Variants in ADGRA1 observed in about 807,000 individuals in gnomAD.
The protein encoded by ADGRA1 is G-protein coupled receptor 123.
In ADGRA1, 12 loss-of-function variants were observed where a neutral mutation model predicts 21.3. The ratio of observed to expected loss-of-function variants is 0.56; its 90% CI spans 0.36 to 0.91. The LOEUF (loss-of-function observed/expected upper bound fraction) is 0.91. Ranked by LOEUF, ADGRA1 falls within the 40% of genes least tolerant of loss-of-function variation. ADGRA1 has a pLI of 0.01. For missense variants in ADGRA1, 790 were observed against 805.6 expected (o/e 0.98, Z 0.23); for synonymous variants, 385 against 368.8 (o/e 1.04, Z -0.50).
chr10:133,092,907 G>A lies in ADGRA1; in HGVS notation c.3+3995G>A, dbSNP rs566457105. ...GAAGGGAGCCTGAACCTGGAAGAAGGAGAAGGAGGACTGGAAGCACCTGGG... is the reference window on the plus strand; with the variant it reads ...GAAGGGAGCCTGAACCTGGAAGAAGAAGAAGGAGGACTGGAAGCACCTGGG... On this transcript the variant is annotated intron_variant, in intron 2 of 6. Coordinates refer to ENST00000392607, the MANE Select transcript of ADGRA1 (RefSeq NM_001083909.3). 392 of 1,530,728 alleles carry A rather than the reference G, an allele frequency of 2.6e-4. 2 individuals carry two copies. The African/African-American group carries it at 5.0e-3, about 19-fold the overall frequency. The allele number at this position is 1,530,728 out of a possible 1,614,324, so 94.8% of individuals were successfully genotyped here. A position where few individuals can be genotyped will look rare whatever the true frequency, so the allele number is the denominator to read the frequency against.
At chr10:133,090,313 C>T (rs1401134735) in intron 2 of ADGRA1, among the ~76,000 whole-genome samples, 2 of 152,210 alleles carry the variant, frequency 1.3e-5, no homozygotes, top group South Asian at 2.1e-4. Context: ...CTGCTACCAC[C>T]TCCTCGGCCC....
chr10:133,116,149 C>T (rs906722402), intron 5 of ADGRA1, among the ~76,000 whole-genome samples: 2 of 152,196 alleles, frequency 1.3e-5, no homozygotes. Context: ...GCCCCTTGCC[C>T]CCCTACCCTG....
At chr10:133,122,689 T>C (rs931450617) in intron 5 of ADGRA1, among the ~76,000 whole-genome samples, 1 of 152,192 alleles carries the variant, frequency 6.6e-6, no homozygotes, top group Non-Finnish European at 1.5e-5. Flanking sequence ...GCCAGGAAAC[T>C]GTGGTCACGA....
In ADGRA1 at chr10:133,124,224, C is replaced by T. The variant is rs1441943608; in HGVS notation, c.402-3009C>T. ...ACCCTCCCCGGCTCTGCAACCTCCC[C>T]GGCCAAGCCACCCTCTTGGGCTCTG... On this transcript the variant is annotated intron_variant, in intron 5 of 6. Transcript: ENST00000392607. Among the ~76,000 whole-genome samples, 6 of 149,796 alleles carry T rather than the reference C, an allele frequency of 4.0e-5. No homozygotes were observed. The East Asian group carries it at 7.8e-4, about 20-fold the overall frequency.
At chr10:133,120,372 T>C (rs987082417) in intron 5 of ADGRA1, among the ~76,000 whole-genome samples, 2 of 152,102 alleles carry the variant, frequency 1.3e-5, no homozygotes, top group African/African-American at 4.8e-5. Flanking sequence ...GCCACTGCAC[T>C]CCAGCCTGGG....
At chr10:133,103,833 T>C (rs147803100) in intron 5 of ADGRA1, among the ~76,000 whole-genome samples, 24 of 152,332 alleles carry the variant, frequency 1.6e-4, no homozygotes, top group African/African-American at 5.3e-4. Context: ...CCAGACACAG[T>C]TGGCGAAAGC....
rs573262037 is a variant in ADGRA1 at position 133,088,040 on chromosome 10, C to A, written c.-301C>A. 3 of 985,136 alleles carry A rather than the reference C, an allele frequency of 3.0e-6. No homozygotes were observed. The South Asian group carries it at 1.4e-4, about 46-fold the overall frequency. The allele number at this position is 985,136 out of a possible 1,614,324, so 61.0% of individuals were successfully genotyped here. A position where few individuals can be genotyped will look rare whatever the true frequency, so the allele number is the denominator to read the frequency against. ...AACTCGGTCCCAGCTCGGCCGCTGCCCTCGCGAATGGAGAGCGGGTCCCCG... is the reference window on the plus strand; with the variant it reads ...AACTCGGTCCCAGCTCGGCCGCTGCACTCGCGAATGGAGAGCGGGTCCCCG... On this transcript the variant is annotated 5_prime_UTR_variant, in exon 1 of 7. Coordinates refer to ENST00000392607, the MANE Select transcript of ADGRA1 (RefSeq NM_001083909.3).
chr10:133,095,267 C>T (rs1851666893), intron 2 of ADGRA1, among the ~76,000 whole-genome samples: 1 of 152,172 alleles, frequency 6.6e-6, no homozygotes, highest in South Asian at 2.1e-4. Context: ...ACCCAGCTCA[C>T]CTCTTTACAG....
chr10:133,125,207 C>T (rs1852355711), intron 5 of ADGRA1, among the ~76,000 whole-genome samples: 3 of 152,352 alleles, frequency 2.0e-5, no homozygotes, highest in Middle Eastern at 3.4e-3. Flanking sequence ...CAGAAGCTTA[C>T]TATCTATTCT....
intron 2 of ADGRA1, chr10:133,093,035 T>C (rs1294984106): frequency 1.9e-6 from 3 of 1,595,222 alleles, no homozygotes. Flanking sequence ...GCTGCAGACC[T>C]GGCCCCGGAC....
chr10:133,129,158 C>T lies in ADGRA1; in HGVS notation c.1330C>T (p.Leu444=). Reference sequence around the variant, plus strand: ...GTACGCCTACCACATCCCATCCAGCCTGGATGGCAGCCCCCGCAGCTCGCG... The same window carrying T: ...GTACGCCTACCACATCCCATCCAGCTTGGATGGCAGCCCCCGCAGCTCGCG... ...PEYAYHIPSS[L]DGSPRSSRTD... The change falls in exon 7 of 7, where the codon CTG becomes TTG. Residue 444 remains leucine (L), a synonymous_variant. Transcript: ENST00000392607. The T allele has an allele frequency of 1.3e-6, 2 of 1,553,776 alleles. No homozygotes were observed. Among genetic ancestry groups the T allele is most frequent in the Non-Finnish European group, 8.7e-7 (1 of 1,148,654 alleles).
At chr10:133,089,760 G>A (rs11101902) in intron 2 of ADGRA1, among the ~76,000 whole-genome samples, 3,054 of 152,354 alleles carry the variant, frequency 0.02, 49 homozygotes, top group Non-Finnish European at 0.031. Flanking sequence ...TGTTCCGTTC[G>A]AAATGTCCAA....
At position 133,129,013 on chromosome 10, in the gene ADGRA1, C is replaced by T. The variant is rs753719754; in HGVS notation, c.1185C>T (p.Asp395=). ...AKMHCEPLTA[D]EAHVHLQEEG... is the part of the protein sequence containing the mutation. ...TGCACTGCGAGCCACTGACGGCGGA[C>T]GAGGCGCACGTGCACCTGCAGGAGG... The change falls in exon 7 of 7, where the codon GAC becomes GAT. Residue 395 remains aspartate, a synonymous_variant. Transcript: ENST00000392607. The T allele has an allele frequency of 7.7e-6, 12 of 1,566,606 alleles. No homozygotes were observed. The highest frequency in any genetic ancestry group is 6.7e-5 in the African/African-American group (5 of 74,094).
intron 5 of ADGRA1, among the ~76,000 whole-genome samples, chr10:133,111,783 C>G (rs372976242): frequency 3.7e-4 from 45 of 120,376 alleles, no homozygotes; most frequent in East Asian, 3.7e-3. Flanking sequence ...CCCTCCTAAT[C>G]CCTCCAGACC....
chr10:133,111,309 AT>A (rs1851999431), intron 5 of ADGRA1, among the ~76,000 whole-genome samples: 1 of 5,534 alleles, frequency 1.8e-4, no homozygotes, highest in African/African-American at 7.3e-4. Context: ...CCCGGGAACC[AT>A]CCCTCCTAAT....
chr10:133,126,643 C>T (rs1220818984), intron 5 of ADGRA1, among the ~76,000 whole-genome samples: 1 of 152,188 alleles, frequency 6.6e-6, no homozygotes, highest in Non-Finnish European at 1.5e-5. Context: ...GTTGCCAGGC[C>T]CTGCAGAGGG....
rs765197643 is a variant in ADGRA1, at chr10:133,129,408, A to T, written c.1580A>T (p.Gln527Leu). Residue 527 changes from glutamine to leucine, a missense_variant, in exon 7 of 7, where the codon CAG (glutamine) becomes CTG (leucine). Gln to Leu is a moderately radical substitution (Grantham distance 113, BLOSUM62 -2). Transcript: ENST00000392607. ...TQSLPFGGPS[Q>L]NGLPKGKLLE... The stretch of plus-strand genomic sequence containing the variant: ...TCCCTGCCCTTTGGTGGCCCCAGCC[A>T]GAACGGGCTGCCCAAGGGTAAATTG... 16 of 1,606,232 alleles carry T rather than the reference A, an allele frequency of 1.0e-5. No homozygotes were observed. In the South Asian group the frequency reaches 1.3e-4, roughly 13 times the overall value.
chr10:133,104,080 T>C (rs1851850766), intron 5 of ADGRA1, among the ~76,000 whole-genome samples: 1 of 152,242 alleles, frequency 6.6e-6, no homozygotes, highest in African/African-American at 2.4e-5. Flanking sequence ...TGTCCGGCAC[T>C]GTCCCGTCCA....
At chr10:133,113,571 C>T (rs1157941085) in intron 5 of ADGRA1, among the ~76,000 whole-genome samples, 2 of 152,222 alleles carry the variant, frequency 1.3e-5, no homozygotes, top group African/African-American at 4.8e-5. Context: ...CCCTCGGGCA[C>T]TGGGGCCCTG....
Sources: gnomAD v4.1 joint callset for allele counts (sites outside exome capture counted in the v4.1 genomes callset) on GRCh38, gnomAD v4.1.1 for gene constraint, MANE v1.5 for transcripts, NCBI Gene and HGNC (gene_info 2026-07-23, HGNC 2026-07-21) for gene names.